STN1: variants seen among roughly 807,000 people sequenced by gnomAD.
The protein encoded by STN1 is STN1 subunit of CST complex, also known as CST complex subunit STN1.
In STN1, 29 loss-of-function variants were observed where a neutral mutation model predicts 45.5. The ratio of observed to expected loss-of-function variants is 0.64; its 90% CI spans 0.47 to 0.87. STN1 has a LOEUF of 0.87. Among genes scored for constraint, STN1 ranks in the 40% least tolerant of loss-of-function variants. The pLI is 0.00. For missense variants in STN1, 376 were observed against 441.4 expected (o/e 0.85, Z 1.33); for synonymous variants, 148 against 159.0 (o/e 0.93, Z 0.52).
At chr10:103,909,434 G>GTATATATGTA (rs1564635033) in intron 3 of STN1, among the ~76,000 whole-genome samples, 29 of 56,870 alleles carry the variant, frequency 5.1e-4, no homozygotes, top group African/African-American at 1.3e-3. Flanking sequence ...GTATATATAT[G>GTATATATGTA]TATATATATG....
intron 9 of STN1, among the ~76,000 whole-genome samples, chr10:103,884,469 G>T (rs1469657342): frequency 1.3e-5 from 2 of 152,134 alleles, no homozygotes; most frequent in Non-Finnish European, 2.9e-5. Context: ...ATTGGGTCAT[G>T]ATGTAAAATG....
intron 9 of STN1, among the ~76,000 whole-genome samples, chr10:103,886,166 T>C (rs1564911070): frequency 6.6e-6 from 1 of 152,182 alleles, no homozygotes. Context: ...AGCTCTGGGA[T>C]AGTAAAAAAT....
At chr10:103,899,172 A>G (rs59266366) in intron 5 of STN1, among the ~76,000 whole-genome samples, 172 bp from the exon 6 acceptor site, 32 of 152,348 alleles carry the variant, frequency 2.1e-4, no homozygotes, top group African/African-American at 7.5e-4. Context: ...GCTCCCAGTC[A>G]TCCTGCATGA....
chr10:103,905,196 C>T (rs755756796), intron 3 of STN1, 40 bp from the exon 4 acceptor site: 14 of 1,567,616 alleles, frequency 8.9e-6, no homozygotes. Context: ...GAGATTTGGG[C>T]AAGGCTGGTG....
At chr10:103,898,613 G>A (rs1843186886) in intron 6 of STN1, among the ~76,000 whole-genome samples, 1 of 152,078 alleles carries the variant, frequency 6.6e-6, no homozygotes, top group South Asian at 2.1e-4. Context: ...GTTTTTCTCT[G>A]CTCCTGCCTC....
At chr10:103,915,356 T>C (rs1843324378) in intron 2 of STN1, among the ~76,000 whole-genome samples, 1 of 152,168 alleles carries the variant, frequency 6.6e-6, no homozygotes, top group South Asian at 2.1e-4. Flanking sequence ...ATTGAACAGT[T>C]GGTCTTTTAG....
In STN1 at chr10:103,882,312, AATGTTCACTACC is replaced by A. The variant is rs1389506851; in HGVS notation, c.*360_*371del. On this transcript the variant is annotated 3_prime_UTR_variant, in exon 10 of 10. Coordinates refer to ENST00000224950, the MANE Select transcript of STN1 (RefSeq NM_024928.5). ...CAGGCCATATGCCCCTCAGTTCCTG[AATGTTCACTACC>A]CTGTGGTGTCCCTTTGCCATGGAAG... Among the ~76,000 whole-genome samples the A allele has an allele frequency of 1.3e-5, 2 of 152,234 alleles. No individual in the cohort carries two copies. Among genetic ancestry groups the A allele is most frequent in the African/African-American group, 4.8e-5 (2 of 41,458 alleles).
Position 103,906,031 on chromosome 10 carries a change from T to C in STN1, c.230-875A>G, listed in dbSNP as rs1307972031. On this transcript the variant is annotated intron_variant, in intron 3 of 9. Coordinates refer to ENST00000224950, the MANE Select transcript of STN1 (RefSeq NM_024928.5). ...AAAAAAATCATCAACTAGACTGTTGTAAAAGCACACACAATCCTGAAGAAA... is the reference window on the plus strand; with the variant it reads ...AAAAAAATCATCAACTAGACTGTTGCAAAAGCACACACAATCCTGAAGAAA... Among the ~76,000 whole-genome samples, 3 of 152,158 alleles carry C rather than the reference T, an allele frequency of 2.0e-5. No individual in the cohort carries two copies. In the East Asian group the frequency reaches 5.8e-4, roughly 29 times the overall value.
chr10:103,903,380 TAC>T (rs1431420008), intron 4 of STN1, among the ~76,000 whole-genome samples: 1 of 152,224 alleles, frequency 6.6e-6, no homozygotes, highest in Non-Finnish European at 1.5e-5. Context: ...TTAATACTGC[TAC>T]AGTTTGACAA....
intron 9 of STN1, among the ~76,000 whole-genome samples, chr10:103,888,108 C>A (rs946434909): frequency 2.6e-5 from 4 of 152,212 alleles, no homozygotes; most frequent in African/African-American, 9.6e-5. Flanking sequence ...ATTTTAAGAG[C>A]TGCTGTCACA....
chr10:103,905,419 G>A lies in STN1; in HGVS notation c.230-263C>T, dbSNP rs1055966187. ...ACTTATCCTACCTCAAGGTACTAAC[G>A]ATTAGTACCCTCAAGGGTACCCTCA... On this transcript the variant is annotated intron_variant, in intron 3 of 9. Coordinates refer to ENST00000224950, the MANE Select transcript of STN1 (RefSeq NM_024928.5). 6.6e-5 allele frequency among the ~76,000 whole-genome samples: 10 copies of A among 152,178 alleles called. No homozygotes were observed. In the East Asian group the frequency reaches 1.3e-3, roughly 21 times the overall value.
At position 103,892,197 on chromosome 10, in the gene STN1, G is replaced by A. The variant is rs146867381; in HGVS notation, c.809C>T (p.Ala270Val). Reference protein sequence around the residue: ...SKAIHSIFKNAIQLLQEKGLV... With the variant: ...SKAIHSIFKNVIQLLQEKGLV... ...TCCTTTTTCCTGCAGCAGTTGTATA[G>A]CATTCTTAAATATACTATGAATTGC... Residue 270 changes from alanine to valine, a missense_variant, in exon 8 of 10, where the codon GCT becomes GTT. Physicochemically the swap from Ala to Val is moderately conservative, Grantham distance 64. Transcript: ENST00000224950. 1.1e-4 allele frequency: 177 copies of A among 1,610,810 alleles called. No individual in the cohort carries two copies. In the African/African-American group the frequency reaches 2.1e-3, roughly 19 times the overall value.
At chr10:103,883,949 G>C (rs75966275) in intron 9 of STN1, among the ~76,000 whole-genome samples, 9,571 of 151,914 alleles carry the variant, frequency 0.063, 352 homozygotes, top group African/African-American at 0.093. Context: ...AATTAGCCAG[G>C]TGTGGTGGCA....
rs368462105 is a variant in STN1, at chr10:103,884,321, G to A, written c.950-1480C>T. 5.3e-5 allele frequency among the ~76,000 whole-genome samples: 8 copies of A among 152,076 alleles called. No homozygotes were observed. The East Asian group carries it at 5.8e-4, about 11-fold the overall frequency. The stretch of plus-strand genomic sequence containing the variant: ...AACGAAACCAATTTTTGTAGGTTGC[G>A]ATCAGCAACTTTTTCTTACCAAACT... On this transcript the variant is annotated intron_variant, in intron 9 of 9. Coordinates refer to ENST00000224950, the MANE Select transcript of STN1 (RefSeq NM_024928.5).
At chr10:103,901,415 G>A (rs545038199) in intron 4 of STN1, among the ~76,000 whole-genome samples, 8 of 152,130 alleles carry the variant, frequency 5.3e-5, no homozygotes, top group Admixed American at 3.9e-4. Flanking sequence ...CACTGTATGG[G>A]GGCAGTATAG....
chr10:103,901,906 T>C (rs142012167), intron 4 of STN1, among the ~76,000 whole-genome samples: 174 of 152,338 alleles, frequency 1.1e-3, no homozygotes, highest in African/African-American at 4.0e-3. Flanking sequence ...TCACAACTCC[T>C]ACACCAGCTT....
intron 2 of STN1, among the ~76,000 whole-genome samples, chr10:103,911,838 CCTCTGCTGATGG>C (rs564340508): frequency 2.6e-5 from 4 of 152,150 alleles, no homozygotes; most frequent in Non-Finnish European, 5.9e-5. Flanking sequence ...CCCAGACTGG[CCTCTGCTGATGG>C]CTCTGTTTCC....
At chr10:103,905,959 C>G (rs1843238029) in intron 3 of STN1, among the ~76,000 whole-genome samples, 1 of 152,048 alleles carries the variant, frequency 6.6e-6, no homozygotes, top group African/African-American at 2.4e-5. Context: ...CCGACAAACT[C>G]AGAACAGAGG....
chr10:103,884,161 C>T (rs1843089076), intron 9 of STN1, among the ~76,000 whole-genome samples: 2 of 148,916 alleles, frequency 1.3e-5, no homozygotes, highest in Non-Finnish European at 1.5e-5. Context: ...TTCAGAGAAA[C>T]CTGAATCTGT....
Sources: allele counts gnomAD v4.1 joint callset (sites outside exome capture counted in the v4.1 genomes callset), GRCh38; gene constraint gnomAD v4.1.1; transcripts MANE v1.5; gene names NCBI Gene and HGNC (gene_info 2026-07-23, HGNC 2026-07-21).